The following APBA1 variants were observed in gnomAD, a reference collection of about 807,000 sequenced individuals.
APBA1 encodes amyloid-beta A4 precursor protein-binding family A member 1.
A neutral mutation model predicts 86.6 loss-of-function variants in APBA1; 55 were observed. That is an observed-to-expected ratio of 0.64 (90% CI 0.51 to 0.80). The LOEUF is 0.80. Ranked by LOEUF, APBA1 falls within the 30% of genes least tolerant of loss-of-function variation. The pLI, the probability that APBA1 is intolerant of heterozygous loss-of-function variation, is 0.00. For missense variants in APBA1, 1,090 were observed against 1,183.0 expected (o/e 0.92, Z 1.15); for synonymous variants, 511 against 493.9 (o/e 1.03, Z -0.46).
At chr9:69,485,623 G>C (rs1186957043) in intron 2 of APBA1, among the ~76,000 whole-genome samples, 1 of 152,096 alleles carries the variant, frequency 6.6e-6, no homozygotes, top group Non-Finnish European at 1.5e-5. Flanking sequence ...GCAGGGTCAG[G>C]AGTTCACAAA....
At chr9:69,439,143 G>C (rs1834760725) in intron 11 of APBA1, among the ~76,000 whole-genome samples, 1 of 90,308 alleles carries the variant, frequency 1.1e-5, no homozygotes, top group South Asian at 4.9e-4. Flanking sequence ...TCTGCCAAGA[G>C]ATCCGCTGTT....
chr9:69,436,252 G>C (rs1834717137), intron 11 of APBA1, among the ~76,000 whole-genome samples: 1 of 149,926 alleles, frequency 6.7e-6, no homozygotes, highest in African/African-American at 2.5e-5. Flanking sequence ...GGATTGACTT[G>C]GCAATGTGGG....
intron 1 of APBA1, among the ~76,000 whole-genome samples, chr9:69,518,888 T>C (rs1291757713): frequency 6.6e-6 from 1 of 152,130 alleles, no homozygotes; most frequent in Admixed American, 6.5e-5. Flanking sequence ...AAGGAGATCA[T>C]TTTGGAGCTA....
intron 2 of APBA1, among the ~76,000 whole-genome samples, chr9:69,499,584 T>C (rs1156666950): frequency 6.6e-6 from 1 of 151,472 alleles, no homozygotes; most frequent in Non-Finnish European, 1.5e-5. Flanking sequence ...AACAGCAAGG[T>C]CGACAGGATA....
chr9:69,627,282 T>C (rs1822952432), intron 1 of APBA1, among the ~76,000 whole-genome samples: 1 of 152,136 alleles, frequency 6.6e-6, no homozygotes, highest in Non-Finnish European at 1.5e-5. Context: ...TGAGGTTCAT[T>C]ATAGTTCAAT....
chr9:69,511,108 A>G (rs1836029423), intron 2 of APBA1, among the ~76,000 whole-genome samples: 1 of 151,998 alleles, frequency 6.6e-6, no homozygotes, highest in Admixed American at 6.6e-5. Flanking sequence ...TGCACAGCAA[A>G]AGAAACTACC....
intron 1 of APBA1, among the ~76,000 whole-genome samples, chr9:69,658,338 C>CTTTCTTTCT: frequency 7.1e-6 from 1 of 140,270 alleles, no homozygotes; most frequent in East Asian, 2.0e-4. Context: ...TTCTTTCTTT[C>CTTTCTTTCT]TTTCTTTCTT....
At chr9:69,598,380 A>G (rs1306000511) in intron 1 of APBA1, among the ~76,000 whole-genome samples, 1 of 152,238 alleles carries the variant, frequency 6.6e-6, no homozygotes, top group South Asian at 2.1e-4. Context: ...ACATGTATAC[A>G]TATGTAACTA....
At chr9:69,573,832 G>A (rs1837153586) in intron 1 of APBA1, among the ~76,000 whole-genome samples, 1 of 152,212 alleles carries the variant, frequency 6.6e-6, no homozygotes, top group Admixed American at 6.5e-5. Flanking sequence ...CATTCTGCCT[G>A]CAGAGGCCAG....
chr9:69,492,228 TC>T, intron 2 of APBA1, among the ~76,000 whole-genome samples: 1 of 152,180 alleles, frequency 6.6e-6, no homozygotes. Flanking sequence ...CTTTGATACT[TC>T]CTGAGAAATG....
At chr9:69,646,809 T>C (rs998017935) in intron 1 of APBA1, among the ~76,000 whole-genome samples, 8 of 152,174 alleles carry the variant, frequency 5.3e-5, no homozygotes, top group African/African-American at 1.9e-4. Flanking sequence ...TTATTTCTCA[T>C]TTGGTTCCTA....
Position 69,516,220 on chromosome 9 carries a change from C to G in APBA1, c.991G>C (p.Gly331Arg). The change falls in exon 2 of 13, where the codon GGC (glycine) becomes CGC (arginine). Residue 331 changes from glycine to arginine, a missense_variant. Around this residue, in one of 6 missense-constraint regions of APBA1, gnomAD observed 678 missense variants for 647.1 expected, o/e 1.05. Coordinates refer to ENST00000265381, the MANE Select transcript of APBA1 (RefSeq NM_001163.4). The surrounding 1 kb of genome is among the most constrained non-coding windows in gnomAD (Gnocchi z 7.3). ...GQQRAVGPAG[G>R]GEAGQRYSKE... Reference sequence around the variant, plus strand: ...CTGTACCGCTGCCCCGCCTCGCCGCCGCCCGCGGGGCCCACCGCCCGCTGC... The same window carrying G: ...CTGTACCGCTGCCCCGCCTCGCCGCGGCCCGCGGGGCCCACCGCCCGCTGC... 1 of 1,492,110 alleles carries G rather than the reference C, an allele frequency of 6.7e-7. No homozygotes were observed. Among genetic ancestry groups the G allele is most frequent in the Non-Finnish European group, 8.9e-7 (1 of 1,117,652 alleles). 92.4% of individuals were successfully genotyped at this position (1,492,110 alleles called of 1,614,324 possible).
intron 1 of APBA1, among the ~76,000 whole-genome samples, chr9:69,555,131 T>C (rs1013231537): frequency 1.3e-5 from 2 of 152,222 alleles, no homozygotes; most frequent in African/African-American, 4.8e-5. Context: ...TCCAGGTTTC[T>C]TCCAAAGAGT....
At chr9:69,671,149 G>A (rs1390897144) in intron 1 of APBA1, among the ~76,000 whole-genome samples, 1 of 152,132 alleles carries the variant, frequency 6.6e-6, no homozygotes, top group Admixed American at 6.5e-5. Flanking sequence ...GAAGGAGAAG[G>A]TCTAGCTAGC....
In APBA1 at chr9:69,485,191, T is replaced by C. The variant is rs554478669; in HGVS notation, c.1201-9048A>G. On this transcript the variant is annotated intron_variant, in intron 2 of 12. Coordinates refer to ENST00000265381, the MANE Select transcript of APBA1 (RefSeq NM_001163.4). ...ACCTGGGCTCCAAGGACACTCTTGA[T>C]GCAGAAAGCTGTCCCCAAATGAGAG... is the stretch of plus-strand genomic sequence containing the variant. 5.9e-5 allele frequency among the ~76,000 whole-genome samples: 9 copies of C among 152,112 alleles called. No individual in the cohort carries two copies. The South Asian group carries it at 1.7e-3, about 28-fold the overall frequency.
At chr9:69,474,735 ATGTT>A (rs1835415834) in intron 3 of APBA1, among the ~76,000 whole-genome samples, 1 of 152,180 alleles carries the variant, frequency 6.6e-6, no homozygotes, top group Non-Finnish European at 1.5e-5. Flanking sequence ...GAGAAGGTCT[ATGTT>A]TGTTTGTTTG....
At chr9:69,619,034 C>T (rs1479074632) in intron 1 of APBA1, among the ~76,000 whole-genome samples, 1 of 152,140 alleles carries the variant, frequency 6.6e-6, no homozygotes, top group Non-Finnish European at 1.5e-5. Context: ...AGGTACCTAA[C>T]ATATTTTGGT....
At chr9:69,476,884 A>C (rs1486620663) in intron 2 of APBA1, among the ~76,000 whole-genome samples, 1 of 152,190 alleles carries the variant, frequency 6.6e-6, no homozygotes, top group Non-Finnish European at 1.5e-5. Context: ...GCCCTGCTAG[A>C]CGTGTATAGG....
chr9:69,459,628 TAA>T (rs1173238565), intron 5 of APBA1, among the ~76,000 whole-genome samples: 4 of 152,248 alleles, frequency 2.6e-5, no homozygotes, highest in African/African-American at 4.8e-5. Context: ...TGCTCACAAT[TAA>T]AAGACAGCAT....
Sources: allele counts gnomAD v4.1 joint callset (sites outside exome capture counted in the v4.1 genomes callset), GRCh38; gene constraint gnomAD v4.1.1; regional missense constraint gnomAD v4.1.1; non-coding constraint Gnocchi (gnomAD v3.1); transcripts MANE v1.5; gene names NCBI Gene and HGNC (gene_info 2026-07-23, HGNC 2026-07-21).